Variants in BPIFC observed in about 807,000 individuals in gnomAD.
BPIFC encodes BPI fold containing family C.
BPIFC carries 60 observed loss-of-function variants against 57.6 expected under a neutral mutation model. The ratio of observed to expected loss-of-function variants is 1.04; its 90% CI spans 0.85 to 1.29. The LOEUF is 1.29. Among genes scored for constraint, BPIFC ranks in the 50% most tolerant of loss-of-function variants. BPIFC has a pLI of 0.00. For synonymous variants in BPIFC, 243 were observed against 224.5 expected, an observed-to-expected ratio of 1.08 and a Z score of -0.74; for missense variants, 581 against 600.5, an observed-to-expected ratio of 0.97 and a Z score of 0.34.
At chr22:32,440,806 C>T (rs1934544738) in intron 8 of BPIFC, among the ~76,000 whole-genome samples, 1 of 152,180 alleles carries the variant, frequency 6.6e-6, no homozygotes, top group Non-Finnish European at 1.5e-5. Flanking sequence ...TTACCATCTT[C>T]ATCACCCCAC....
intron 8 of BPIFC, among the ~76,000 whole-genome samples, chr22:32,441,073 C>T (rs1279395933): frequency 6.6e-6 from 1 of 152,148 alleles, no homozygotes; most frequent in Non-Finnish European, 1.5e-5. Context: ...TCTCTGGCCT[C>T]ATTGCCTGCT....
At chr22:32,436,118 G>A (rs1262543692) in intron 9 of BPIFC, among the ~76,000 whole-genome samples, 2 of 152,000 alleles carry the variant, frequency 1.3e-5, no homozygotes, top group Non-Finnish European at 2.9e-5. Flanking sequence ...AACATGGCAG[G>A]CCCCGTTTCT....
At chr22:32,441,233 G>T (rs772919686) in intron 8 of BPIFC, among the ~76,000 whole-genome samples, 22 of 152,202 alleles carry the variant, frequency 1.4e-4, no homozygotes, top group Admixed American at 4.6e-4. Flanking sequence ...CTCCCTTTGG[G>T]TTTTTCTAGT....
chr22:32,435,782 G>T lies in BPIFC; in HGVS notation c.846C>A (p.Ile282=). 6.8e-6 allele frequency: 11 copies of T among 1,614,176 alleles called. No homozygotes were observed. The highest frequency in any genetic ancestry group is 9.3e-6 in the Non-Finnish European group (11 of 1,180,030). Residue 282 remains isoleucine (I), a synonymous_variant, in exon 10 of 17, where the codon ATC becomes ATA. Transcript: ENST00000300399. ...ACGCAGATTTAAAGAAATACTCGGC[G>T]ATTCCAATGTAGAGCATGGAGTTGC... is the stretch of plus-strand genomic sequence containing the variant. ...ERSNSMLYIG[I]AEYFFKSASF...
At chr22:32,442,855 G>T (rs7284407) in intron 7 of BPIFC, 124 bp from the exon 8 acceptor site, 3 of 884,620 alleles carry the variant, frequency 3.4e-6, no homozygotes, top group Non-Finnish European at 5.2e-6. Context: ...TTTGGTCATC[G>T]AGACATTCTC....
chr22:32,431,652 G>A (rs991558515), intron 12 of BPIFC, among the ~76,000 whole-genome samples: 14 of 151,420 alleles, frequency 9.2e-5, no homozygotes, highest in African/African-American at 2.9e-4. Context: ...TCTCCTAATC[G>A]CTCTTCTTTA....
At position 32,441,168 on chromosome 22, in the gene BPIFC, T is replaced by G. The variant is rs190532916; in HGVS notation, c.655+1503A>C. ...TATTCAGCCTCAGGGTTTTTGTGCC[T>G]GCAGTTTCCTCGATCTGGAATCTTC... On this transcript the variant is annotated intron_variant, in intron 8 of 16. Transcript: ENST00000300399. Among the ~76,000 whole-genome samples, 30 of 152,258 alleles carry G rather than the reference T, an allele frequency of 2.0e-4. No homozygotes were observed. In the East Asian group the frequency reaches 5.2e-3, roughly 26 times the overall value.
At chr22:32,442,582 G>T in intron 8 of BPIFC, 89 bp downstream of exon 8, 1 of 1,311,896 alleles carries the variant, frequency 7.6e-7, no homozygotes, top group Non-Finnish European at 1.1e-6. Context: ...GATAGCTCAA[G>T]CTATACCGCC....
Position 32,424,753 on chromosome 22 carries a change from CTCTTCTTCTTCT to C in BPIFC, c.1218-5361_1218-5350del, listed in dbSNP as rs1556036707. Among the ~76,000 whole-genome samples, 21 of 35,482 alleles carry C rather than the reference CTCTTCTTCTTCT, an allele frequency of 5.9e-4. 2 individuals carry two copies. In the South Asian group the frequency reaches 9.0e-3, roughly 15 times the overall value. The allele number at this position is 35,482 out of a possible 152,430, so 23.3% of individuals were successfully genotyped here. A position where few individuals can be genotyped will look rare whatever the true frequency, so the allele number is the denominator to read the frequency against. The stretch of plus-strand genomic sequence containing the variant: ...CCTCTTCTTCTTCCTCTTCTTCTTC[CTCTTCTTCTTCT>C]TCTTCTTCTTCTTCTTCTTCTTCCT... On this transcript the variant is annotated intron_variant, in intron 13 of 16. Transcript: ENST00000300399.
intron 3 of BPIFC, 84 bp from the exon 4 acceptor site, chr22:32,453,587 T>C: frequency 7.0e-7 from 1 of 1,436,230 alleles, no homozygotes; most frequent in Non-Finnish European, 9.2e-7. Flanking sequence ...ATACAATTTA[T>C]TGAGTGAGAC....
Position 32,456,028 on chromosome 22 carries a change from TG to T in BPIFC, c.124+1234del, listed in dbSNP as rs145340294. On this transcript the variant is annotated intron_variant, in intron 3 of 16. Transcript: ENST00000300399. ...CCATTTTCCATATGAGAAAATCCAC[TG>T]GCCCAAGGCCATGTATCAAGGAAAG... Among the ~76,000 whole-genome samples, 99 of 152,354 alleles carry T rather than the reference TG, an allele frequency of 6.5e-4. 1 individual carries two copies. The East Asian group carries it at 0.012, about 18-fold the overall frequency.
At chr22:32,440,431 T>C (rs1475778486) in intron 8 of BPIFC, among the ~76,000 whole-genome samples, 2 of 152,218 alleles carry the variant, frequency 1.3e-5, no homozygotes, top group African/African-American at 2.4e-5. Context: ...AGTGAGCCAC[T>C]GCGCCTGATA....
intron 12 of BPIFC, 51 bp downstream of exon 12, chr22:32,432,322 C>T: frequency 6.3e-7 from 1 of 1,586,744 alleles, no homozygotes; most frequent in Non-Finnish European, 8.6e-7. Context: ...CAGTCCACAG[C>T]AGGAGCAGGA....
At chr22:32,447,427 T>G in intron 4 of BPIFC, 87 bp from the exon 5 acceptor site, 13 of 1,485,834 alleles carry the variant, frequency 8.7e-6, no homozygotes, top group Non-Finnish European at 9.1e-6. Context: ...TGCAGAGCTC[T>G]TACCATTGAG....
chr22:32,445,713 G>GAAAAAAAAA lies in BPIFC; in HGVS notation c.531-24_531-16dup, dbSNP rs61507713. Reference sequence around the variant, plus strand: ...TATACAGAACACTGAGGAAAAAAATGAAAAAAAAAAAAAAAAAAAAAAGAG... The same window carrying GAAAAAAAAA: ...TATACAGAACACTGAGGAAAAAAATGAAAAAAAAAAAAAAAAAAAAAAAAAAAAAAAGAG... On this transcript the variant is annotated splice_polypyrimidine_tract_variant and intron_variant, in intron 6 of 16. Transcript: ENST00000300399. 1.8e-3 allele frequency: 1,288 copies of GAAAAAAAAA among 710,758 alleles called. 18 individuals are homozygous for GAAAAAAAAA. Among genetic ancestry groups the GAAAAAAAAA allele is most frequent in the Admixed American group, 4.4e-3 (86 of 19,618 alleles). The allele number at this position is 710,758 out of a possible 1,614,324, so 44.0% of individuals were successfully genotyped here.
intron 8 of BPIFC, among the ~76,000 whole-genome samples, chr22:32,439,511 T>C (rs5754085): frequency 0.99 from 150,816 of 152,338 alleles, 74,660 homozygotes; most frequent in East Asian, 1. Context: ...TGTCTTCTCT[T>C]TTCTTGCATG....
chr22:32,453,060 A>C lies in BPIFC; in HGVS notation c.245+323T>G, dbSNP rs1165824995. 2.0e-5 allele frequency among the ~76,000 whole-genome samples: 3 copies of C among 152,170 alleles called. No individual in the cohort carries two copies. The East Asian group carries it at 5.8e-4, about 29-fold the overall frequency. Reference sequence around the variant, plus strand: ...GTGGCCATATAATTAAGTTCTGTCCATTGTTGGTTAGGCAGGATCTTATTA... The same window carrying C: ...GTGGCCATATAATTAAGTTCTGTCCCTTGTTGGTTAGGCAGGATCTTATTA... On this transcript the variant is annotated intron_variant, in intron 4 of 16. Coordinates refer to ENST00000300399, the MANE Select transcript of BPIFC (RefSeq NM_174932.3).
rs202224953 is a variant in BPIFC, at chr22:32,447,188, C to T, written c.374+24G>A. ...TGCTCACATTCTCCCAGAACAGCTGCAGACATTTCAGTGGAATACTCACAA... is the reference window on the plus strand; with the variant it reads ...TGCTCACATTCTCCCAGAACAGCTGTAGACATTTCAGTGGAATACTCACAA... On this transcript the variant is annotated intron_variant, in intron 5 of 16. Transcript: ENST00000300399. 2.7e-4 allele frequency: 416 copies of T among 1,540,484 alleles called. 2 individuals are homozygous for T. In the African/African-American group the frequency reaches 5.4e-3, roughly 20 times the overall value.
intron 13 of BPIFC, among the ~76,000 whole-genome samples, chr22:32,424,591 T>C (rs1310071331): frequency 0.011 from 944 of 89,012 alleles, 84 homozygotes; most frequent in Admixed American, 0.019. Context: ...TTCTTCTTCT[T>C]CTTCTTCTTC....
Sources: allele counts gnomAD v4.1 joint callset (sites outside exome capture counted in the v4.1 genomes callset), GRCh38; gene constraint gnomAD v4.1.1; transcripts MANE v1.5; gene names NCBI Gene and HGNC (gene_info 2026-07-23, HGNC 2026-07-21).